The following CACNA1C variants were observed in gnomAD, a reference collection of about 807,000 sequenced individuals.
The protein encoded by CACNA1C is calcium voltage-gated channel subunit alpha1 C.
A neutral mutation model predicts 229.0 loss-of-function variants in CACNA1C; 30 were observed. That is an observed-to-expected ratio of 0.13 (90% confidence interval 0.10 to 0.18). The LOEUF is 0.18. Among genes scored for constraint, CACNA1C ranks in the 10% least tolerant of loss-of-function variants. The pLI is 1.00. For missense variants in CACNA1C, 1,658 were observed against 2,845.0 expected, an observed-to-expected ratio of 0.58 and a Z score of 9.49; for synonymous variants, 1,114 against 1,132.5, an observed-to-expected ratio of 0.98 and a Z score of 0.33.
intron 1 of CACNA1C, among the ~76,000 whole-genome samples, chr12:1,976,131 C>A (rs1391444281): frequency 5.3e-5 from 8 of 152,178 alleles, no homozygotes; most frequent in Admixed American, 5.2e-4. Context: ...CCCTTCCTTT[C>A]AGCCTAAGTG....
intron 4 of CACNA1C, among the ~76,000 whole-genome samples, chr12:2,457,003 G>T (rs1596858092): frequency 1.3e-5 from 2 of 152,228 alleles, no homozygotes; most frequent in East Asian, 3.9e-4. Context: ...ACGTGCACGT[G>T]TGGTTCTACC....
intron 5 of CACNA1C, among the ~76,000 whole-genome samples, chr12:2,460,613 G>A (rs988560841): frequency 3.9e-5 from 6 of 152,230 alleles, no homozygotes; most frequent in African/African-American, 1.4e-4. Context: ...GTGTCTTGTA[G>A]TGGTCAGGAA....
intron 3 of CACNA1C, among the ~76,000 whole-genome samples, chr12:2,208,422 G>A (rs1355459287): frequency 6.6e-6 from 1 of 152,180 alleles, no homozygotes; most frequent in Non-Finnish European, 1.5e-5. Context: ...TGGCCTTAAG[G>A]CAAGGTCTTG....
chr12:2,673,274 G>GAGACCAACATGGAGAAACCCCATCT (rs2096642149), intron 38 of CACNA1C, among the ~76,000 whole-genome samples: 4 of 152,110 alleles, frequency 2.6e-5, no homozygotes, highest in Admixed American at 2.6e-4. Flanking sequence ...TTGGGAGTTC[G>GAGACCAACATGGAGAAACCCCATCT]AGACCAACAT....
chr12:2,378,159 G>A (rs549902480), intron 3 of CACNA1C, among the ~76,000 whole-genome samples: 11 of 152,198 alleles, frequency 7.2e-5, no homozygotes, highest in East Asian at 3.9e-4. Flanking sequence ...GAAATAATAC[G>A]ATTAACAACC....
At chr12:2,339,460 A>T (rs1286979280) in intron 3 of CACNA1C, among the ~76,000 whole-genome samples, 1 of 152,212 alleles carries the variant, frequency 6.6e-6, no homozygotes, top group African/African-American at 2.4e-5. Context: ...TCCTGCAATA[A>T]TACGTTAACC....
At chr12:2,544,048 A>T (rs905860001) in intron 9 of CACNA1C, among the ~76,000 whole-genome samples, 5 of 152,008 alleles carry the variant, frequency 3.3e-5, no homozygotes, top group African/African-American at 9.7e-5. Flanking sequence ...CATGTTAGTG[A>T]CTGTTTGAGA....
chr12:2,298,430 C>T (rs1209393287), intron 3 of CACNA1C, among the ~76,000 whole-genome samples: 1 of 152,188 alleles, frequency 6.6e-6, no homozygotes, highest in Non-Finnish European at 1.5e-5. Flanking sequence ...TCCCAAGTAG[C>T]TGGGATTACA....
intron 1 of CACNA1C, among the ~76,000 whole-genome samples, chr12:1,976,708 T>C (rs1429800121): frequency 6.6e-6 from 1 of 151,990 alleles, no homozygotes; most frequent in Non-Finnish European, 1.5e-5. Flanking sequence ...GCTTTAGGGG[T>C]TCAATAAAAT....
chr12:2,115,240 C>A lies in CACNA1C; in HGVS notation c.66C>A (p.Ser22Arg). 2 of 1,573,942 alleles carry A rather than the reference C, an allele frequency of 1.3e-6. No individual in the cohort carries two copies. The highest frequency in any genetic ancestry group is 8.6e-7 in the Non-Finnish European group (1 of 1,158,590). The stretch of plus-strand genomic sequence containing the variant: ...TTGCCACAGGTTCCAACTATGGGAG[C>A]CCACGCCCCGCCCATGCCAACATGA... Reference protein sequence around the residue: ...EENHQGSNYGSPRPAHANMNA... With the variant: ...EENHQGSNYGRPRPAHANMNA... Residue 22 changes from serine to arginine, a missense_variant, in exon 2 of 47, where the codon AGC becomes AGA. By Grantham distance (110) the Ser-to-Arg change is moderately radical. This residue lies in a region of CACNA1C where 111 missense variants were observed against 128.0 expected (regional missense o/e 0.87). Transcript: ENST00000399655.
intron 3 of CACNA1C, among the ~76,000 whole-genome samples, chr12:2,345,058 C>A (rs1487464086): frequency 6.7e-6 from 1 of 148,682 alleles, no homozygotes; most frequent in African/African-American, 2.5e-5. Flanking sequence ...GCTCTCTGGC[C>A]GTGAGCCCCA....
rs560913573 is a variant in CACNA1C, at chr12:2,420,049, CT to C, written c.478-28926del. On this transcript the variant is annotated intron_variant, in intron 3 of 46. Transcript: ENST00000399655. ...GGTCACTTTGGCCATGGCCTCACCC[CT>C]CTGGATGTCAGGACAACGCAGCCAG... Among the ~76,000 whole-genome samples the C allele has an allele frequency of 2.0e-5, 3 of 151,950 alleles. No homozygotes were observed. In the South Asian group the frequency reaches 6.2e-4, roughly 32 times the overall value.
At position 2,464,751 on chromosome 12, in the gene CACNA1C, G is replaced by C. The variant is rs142973532; in HGVS notation, c.757+7045G>C. 1.6e-3 allele frequency among the ~76,000 whole-genome samples: 240 copies of C among 152,348 alleles called. 3 individuals carry two copies. Among genetic ancestry groups the C allele is most frequent in the Non-Finnish European group, 1.9e-4 (13 of 68,040 alleles). On this transcript the variant is annotated intron_variant, in intron 5 of 46. Transcript: ENST00000399655. ...GAAAACAGCTCGCTATTAAACGGAA[G>C]TTTACTTTCATCCTGAGAGGTGAGA...
chr12:2,440,052 G>A (rs772143639), intron 3 of CACNA1C, among the ~76,000 whole-genome samples: 18 of 152,124 alleles, frequency 1.2e-4, no homozygotes, highest in Admixed American at 5.2e-4. Flanking sequence ...GCATCTGTCC[G>A]CTGGCCCACT....
intron 29 of CACNA1C, among the ~76,000 whole-genome samples, chr12:2,620,407 G>A (rs965949279): frequency 5.9e-5 from 9 of 152,138 alleles, no homozygotes; most frequent in South Asian, 2.1e-4. Context: ...GTTGCTATGC[G>A]CTTAGTGAGT....
chr12:2,276,176 AAC>A (rs1415271989), intron 3 of CACNA1C, among the ~76,000 whole-genome samples: 3 of 152,132 alleles, frequency 2.0e-5, no homozygotes, highest in Non-Finnish European at 2.9e-5. Flanking sequence ...ACTGAGACCT[AAC>A]ACATAGGCAA....
chr12:2,280,926 T>C (rs1004471932), intron 3 of CACNA1C, among the ~76,000 whole-genome samples: 23 of 152,362 alleles, frequency 1.5e-4, no homozygotes, highest in African/African-American at 5.5e-4. Flanking sequence ...ATCCATTGTT[T>C]TGTTATTTTA....
At chr12:2,474,561 C>A (rs1344792021) in intron 5 of CACNA1C, among the ~76,000 whole-genome samples, 1 of 151,960 alleles carries the variant, frequency 6.6e-6, no homozygotes, top group African/African-American at 2.4e-5. Context: ...TTGAGACCAG[C>A]CTGGCCAACA....
intron 3 of CACNA1C, among the ~76,000 whole-genome samples, chr12:2,294,498 G>A (rs563440849): frequency 6.6e-6 from 1 of 152,132 alleles, no homozygotes; most frequent in South Asian, 2.1e-4. Context: ...GGGCAGTGGA[G>A]AGTGAGGGGC....
Sources: allele counts gnomAD v4.1 joint callset (sites outside exome capture counted in the v4.1 genomes callset), GRCh38; gene constraint gnomAD v4.1.1; regional missense constraint gnomAD v4.1.1; transcripts MANE v1.5; gene names NCBI Gene and HGNC (gene_info 2026-07-23, HGNC 2026-07-21).